HAS3: variants seen among roughly 807,000 people sequenced by gnomAD.
The protein encoded by HAS3 is hyaluronan synthase 3, also known as HA synthase 3.
In HAS3, 27 loss-of-function variants were observed where a neutral mutation model predicts 50.3. The ratio of observed to expected loss-of-function variants is 0.54; its 90% CI spans 0.40 to 0.74. HAS3 has a LOEUF of 0.74. HAS3 is among the 30% of genes least tolerant of loss of function. HAS3 has a pLI of 0.00. For synonymous variants in HAS3, 339 were observed against 310.9 expected (o/e 1.09, Z -0.95); for missense variants, 517 against 742.8 (o/e 0.70, Z 3.53).
chr16:69,108,260 C>T (rs553196735), intron 1 of HAS3, among the ~76,000 whole-genome samples: 1 of 152,202 alleles, frequency 6.6e-6, no homozygotes, highest in Admixed American at 6.5e-5. Flanking sequence ...GGTAGCTCTT[C>T]GGGGCCGGAA....
In HAS3 at chr16:69,107,390, T is replaced by A; in HGVS notation, c.-1+1603T>A. Reference sequence around the variant, plus strand: ...TACAGGCACACTTTGCCAAGGTAGCTGGGGTACCAGGAAGAGCAGGGCCTG... The same window carrying A: ...TACAGGCACACTTTGCCAAGGTAGCAGGGGTACCAGGAAGAGCAGGGCCTG... On this transcript the variant is annotated intron_variant, in intron 1 of 3. Coordinates refer to ENST00000569188, the MANE Select transcript of HAS3 (RefSeq NM_001199280.2). The surrounding 1 kb of genome is among the most constrained non-coding windows in gnomAD (Gnocchi z 5.5). 4.1e-6 allele frequency: 4 copies of A among 985,416 alleles called. No individual in the cohort carries two copies. The highest frequency in any genetic ancestry group is 4.8e-6 in the Non-Finnish European group (4 of 829,918). 61.0% of individuals were successfully genotyped at this position (985,416 alleles called of 1,614,324 possible).
Position 69,113,426 on chromosome 16 carries a change from G to A in HAS3, c.637-15G>A. ...TCTGAGGTCAGAATGGGCTGACGAC[G>A]CACTCCCTCTGCAGGTGTGCGACTC... On this transcript the variant is annotated splice_polypyrimidine_tract_variant and intron_variant, in intron 2 of 3. Transcript: ENST00000569188. The A allele has an allele frequency of 6.3e-6, 10 of 1,584,786 alleles. No individual in the cohort carries two copies. The highest frequency in any genetic ancestry group is 1.3e-5 in the African/African-American group (1 of 74,516).
At chr16:69,102,433 C>T (rs933404861), upstream of HAS3, among the ~76,000 whole-genome samples, 4 of 152,190 alleles carry the variant, frequency 2.6e-5, no homozygotes, top group African/African-American at 7.2e-5. Flanking sequence ...CCCACCTCCC[C>T]GTGAAGGGAT....
the HAS3 span, among the ~76,000 whole-genome samples, chr16:69,090,339 G>C: frequency 1.3e-5 from 2 of 152,174 alleles, no homozygotes; most frequent in African/African-American, 2.4e-5. Flanking sequence ...GTGCGTATTT[G>C]TGTACATTTT....
chr16:69,087,031 AC>A, the HAS3 span, among the ~76,000 whole-genome samples: 1 of 151,714 alleles, frequency 6.6e-6, no homozygotes, highest in African/African-American at 2.4e-5. Context: ...CTCAGAGACC[AC>A]CTTCCCACCT....
Position 69,117,023 on chromosome 16 carries a change from A to G in HAS3, c.*1757A>G. 1 of 985,466 alleles carries G rather than the reference A, an allele frequency of 1.0e-6. No homozygotes were observed. Among genetic ancestry groups the G allele is most frequent in the Non-Finnish European group, 1.2e-6 (1 of 829,918 alleles). The allele number at this position is 985,466 out of a possible 1,614,324, so 61.0% of individuals were successfully genotyped here. ...ACTCAAGGGTTTTCCAGGTGTAGCT[A>G]ACAGTTGCCACATCACACAGACCTC... On this transcript the variant is annotated 3_prime_UTR_variant, in exon 4 of 4. Transcript: ENST00000569188.
chr16:69,117,086 A>G lies in HAS3; in HGVS notation c.*1820A>G. 4 of 985,642 alleles carry G rather than the reference A, an allele frequency of 4.1e-6. No individual in the cohort carries two copies. The highest frequency in any genetic ancestry group is 4.8e-6 in the Non-Finnish European group (4 of 829,912). 61.1% of individuals were successfully genotyped at this position (985,642 alleles called of 1,614,324 possible). A position where few individuals can be genotyped will look rare whatever the true frequency, so the allele number is the denominator to read the frequency against. ...AGACTGCTGGTTGACATCAGACCCA[A>G]CCCATGAAGGCTGGAAGGCAGCAGG... is the stretch of plus-strand genomic sequence containing the variant. On this transcript the variant is annotated 3_prime_UTR_variant, in exon 4 of 4. Coordinates refer to ENST00000569188, the MANE Select transcript of HAS3 (RefSeq NM_001199280.2).
the HAS3 span, among the ~76,000 whole-genome samples, chr16:69,088,858 G>T: frequency 3.3e-5 from 5 of 152,144 alleles, no homozygotes; most frequent in African/African-American, 4.8e-5. Flanking sequence ...GGAGTTTGAG[G>T]CAGCAGTGAG....
At position 69,115,557 on chromosome 16, in the gene HAS3, C is replaced by T. The variant is rs1006345216; in HGVS notation, c.*291C>T. 8.9e-7 allele frequency: 1 copy of T among 1,126,720 alleles called. No individual in the cohort carries two copies. The highest frequency in any genetic ancestry group is 1.1e-6 in the Non-Finnish European group (1 of 919,836). The allele number at this position is 1,126,720 out of a possible 1,614,324, so 69.8% of individuals were successfully genotyped here. On this transcript the variant is annotated 3_prime_UTR_variant, in exon 4 of 4. Coordinates refer to ENST00000569188, the MANE Select transcript of HAS3 (RefSeq NM_001199280.2). ...TAGCCTCCTCCTGGGCTCCAGAGGG[C>T]ACTCAGAAGTTGTGCTAAACCAAGT...
chr16:69,107,695 T>A lies in HAS3; in HGVS notation c.1-1701T>A, dbSNP rs932522962. On this transcript the variant is annotated intron_variant, in intron 1 of 3. Coordinates refer to ENST00000569188, the MANE Select transcript of HAS3 (RefSeq NM_001199280.2). The surrounding 1 kb of genome is among the most constrained non-coding windows in gnomAD (Gnocchi z 5.5). ...GGGGTCCCGCCGCGCCCCTTCAGCA[T>A]GTAAGCTCCGGAGGGGAATGGGGGC... The A allele has an allele frequency of 3.0e-6, 3 of 985,124 alleles. No individual in the cohort carries two copies. The highest frequency in any genetic ancestry group is 1.7e-5 in the African/African-American group (1 of 57,210). 61.0% of individuals were successfully genotyped at this position (985,124 alleles called of 1,614,324 possible). A position where few individuals can be genotyped will look rare whatever the true frequency, so the allele number is the denominator to read the frequency against.
chr16:69,117,649 A>C lies in HAS3; in HGVS notation c.*2383A>C, dbSNP rs908300621. On this transcript the variant is annotated 3_prime_UTR_variant, in exon 4 of 4. Coordinates refer to ENST00000569188, the MANE Select transcript of HAS3 (RefSeq NM_001199280.2). ...TATTTGTCAAAATAAAGATTCTCACATATGCCGGTTATCTCGAAACTACTA... is the reference window on the plus strand; with the variant it reads ...TATTTGTCAAAATAAAGATTCTCACCTATGCCGGTTATCTCGAAACTACTA... 2 of 955,654 alleles carry C rather than the reference A, an allele frequency of 2.1e-6. No individual in the cohort carries two copies. Among genetic ancestry groups the C allele is most frequent in the African/African-American group, 3.6e-5 (2 of 56,238 alleles). 59.2% of individuals were successfully genotyped at this position (955,654 alleles called of 1,614,324 possible).
chr16:69,102,476 A>G (rs979591014), upstream of HAS3, among the ~76,000 whole-genome samples: 6 of 152,212 alleles, frequency 3.9e-5, no homozygotes, highest in Admixed American at 2.6e-4. Flanking sequence ...ACTGGATGCT[A>G]ATTACAGGCA....
chr16:69,113,674 G>A lies in HAS3; in HGVS notation c.738+132G>A. On this transcript the variant is annotated intron_variant, in intron 3 of 3. Coordinates refer to ENST00000569188, the MANE Select transcript of HAS3 (RefSeq NM_001199280.2). ...AGGTTCCTCGCTGGCAGTTTTCACT[G>A]ACACCAAAGAGCTCGCCCCCCTCAC... 2.0e-5 allele frequency: 12 copies of A among 607,342 alleles called. No individual in the cohort carries two copies. The South Asian group carries it at 2.3e-4, about 12-fold the overall frequency. The allele number at this position is 607,342 out of a possible 1,614,324, so 37.6% of individuals were successfully genotyped here.
the HAS3 span, among the ~76,000 whole-genome samples, chr16:69,086,038 T>C: frequency 1.3e-5 from 2 of 151,784 alleles, no homozygotes; most frequent in Non-Finnish European, 2.9e-5. Flanking sequence ...TGGCTAATTT[T>C]TAAAATTTTA....
chr16:69,099,462 G>A, the HAS3 span, among the ~76,000 whole-genome samples: 1 of 151,838 alleles, frequency 6.6e-6, no homozygotes, highest in Non-Finnish European at 1.5e-5. Flanking sequence ...CGAGTAGCTG[G>A]GACTACAGGT....
chr16:69,117,839 A>G (rs1304927066), downstream of HAS3, among the ~76,000 whole-genome samples: 1 of 152,180 alleles, frequency 6.6e-6, no homozygotes, highest in Non-Finnish European at 1.5e-5. Context: ...TGAAATAACT[A>G]ACTGGCAGAT....
At chr16:69,090,394 A>G in the HAS3 span, among the ~76,000 whole-genome samples, 2 of 152,158 alleles carry the variant, frequency 1.3e-5, no homozygotes, top group Non-Finnish European at 2.9e-5. Flanking sequence ...ATGTATCTGT[A>G]GTTTGTAATA....
At chr16:69,105,933 G>A (rs537254057) in intron 1 of HAS3, 146 bp downstream of exon 1, 10 of 152,452 alleles carry the variant, frequency 6.6e-5, no homozygotes, top group Non-Finnish European at 1.0e-4. Context: ...TTGGCAGCTG[G>A]TCCCAGGGCG....
Position 69,108,708 on chromosome 16 carries a change from T to TC in HAS3, c.1-683dup, listed in dbSNP as rs140407734. Among the ~76,000 whole-genome samples, 292 of 152,274 alleles carry TC rather than the reference T, an allele frequency of 1.9e-3. 1 individual carries two copies. The highest frequency in any genetic ancestry group is 6.6e-3 in the African/African-American group (276 of 41,546). On this transcript the variant is annotated intron_variant, in intron 1 of 3. Transcript: ENST00000569188. ...CAGCTTGCATTTCCTGGTCTGCCTC[T>TC]CCCCCTGCTTTCCCTTTCTTTCCTG...
Sources: allele counts gnomAD v4.1 joint callset (sites outside exome capture counted in the v4.1 genomes callset), GRCh38; gene constraint gnomAD v4.1.1; non-coding constraint Gnocchi (gnomAD v3.1); transcripts MANE v1.5; gene names NCBI Gene and HGNC (gene_info 2026-07-23, HGNC 2026-07-21).